CCDC154: variants seen among roughly 807,000 people sequenced by gnomAD.
CCDC154 encodes the protein coiled-coil domain-containing protein 154.
A neutral mutation model predicts 87.5 loss-of-function variants in CCDC154; 91 were observed. The ratio of observed to expected loss-of-function variants is 1.04; its 90% CI spans 0.88 to 1.24. CCDC154 has a LOEUF of 1.24. Among genes scored for constraint, CCDC154 ranks in the 50% most tolerant of loss-of-function variants. The probability of loss-of-function intolerance (pLI) is 0.00; values close to 1 mark genes in which losing one functional copy is unlikely to be tolerated. For missense variants in CCDC154, 903 were observed against 879.2 expected, an observed-to-expected ratio of 1.03 and a Z score of -0.34; for synonymous variants, 418 against 400.4, an observed-to-expected ratio of 1.04 and a Z score of -0.52.
At position 1,438,938 on chromosome 16, in the gene CCDC154, C is replaced by T. The variant is rs777942614; in HGVS notation, c.783G>A (p.Met261Ile). ...TCAGCCGTGAGCTCTCCGAGGCCTT[C>T]ATTCTCTGTGGGGAGACCCCACTGT... ...QKSFLALEKR[M>I]KASESSRLKL... The change falls in exon 8 of 17, where the codon ATG (methionine) becomes ATA (isoleucine). Residue 261 changes from methionine to isoleucine, a missense_variant. Transcript: ENST00000389176. 1.3e-6 allele frequency: 2 copies of T among 1,549,260 alleles called. No homozygotes were observed. The highest frequency in any genetic ancestry group is 2.4e-5 in the South Asian group (2 of 83,976).
Position 1,444,428 on chromosome 16 carries a change from G to A in CCDC154, c.-106C>T, listed in dbSNP as rs940226642. The A allele has an allele frequency of 1.9e-5, 22 of 1,160,670 alleles. No homozygotes were observed. The highest frequency in any genetic ancestry group is 3.0e-5 in the Admixed American group (1 of 33,218). 71.9% of individuals were successfully genotyped at this position (1,160,670 alleles called of 1,614,324 possible). A position where few individuals can be genotyped will look rare whatever the true frequency, so the allele number is the denominator to read the frequency against. The stretch of plus-strand genomic sequence containing the variant: ...CAGGCCAGGGGGGTCAGGAGCCAGA[G>A]GAAGTCCCGTGAGAGCTCTGGGCCT... On this transcript the variant is annotated 5_prime_UTR_variant, in exon 1 of 17. Transcript: ENST00000389176.
In CCDC154 at chr16:1,439,088, G is replaced by GCCTT. The variant is rs917114130; in HGVS notation, c.713_714insAAGG (p.Phe239ArgfsTer65). The stretch of plus-strand genomic sequence containing the variant: ...ACAGCTTGGCCTCCCTCTTCAGGAA[G>GCCTT]CGCAGGCTCACCTCTTCGCCGAGCT... On this transcript the variant is annotated frameshift_variant, in exon 7 of 17. Transcript: ENST00000389176. LOFTEE classifies it high-confidence loss of function. The GCCTT allele has an allele frequency of 6.5e-7, 1 of 1,550,130 alleles. No homozygotes were observed. Among genetic ancestry groups the GCCTT allele is most frequent in the Non-Finnish European group, 8.7e-7 (1 of 1,146,898 alleles).
In CCDC154 at chr16:1,443,597, C is replaced by G; in HGVS notation, c.323G>C (p.Arg108Pro). The G allele has an allele frequency of 6.9e-7, 1 of 1,448,838 alleles. No individual in the cohort carries two copies. The highest frequency in any genetic ancestry group is 2.9e-5 in the East Asian group (1 of 34,798). The allele number at this position is 1,448,838 out of a possible 1,614,324, so 89.7% of individuals were successfully genotyped here. ...RSLLRELLQV[R>P]ARVQLQGSEL... ...TGAGCCCTGCAGCTGCACGCGGGCC[C>G]GCACCTGGAGCAGCTCCCGCAGCAG... The change falls in exon 3 of 17, where the codon CGG (arginine) becomes CCG (proline). Residue 108 changes from arginine to proline, a missense_variant. Physicochemically the swap from Arg to Pro is moderately radical, Grantham distance 103. Coordinates refer to ENST00000389176, the MANE Select transcript of CCDC154 (RefSeq NM_001143980.3).
chr16:1,439,598 G>A lies in CCDC154; in HGVS notation c.676-472C>T, dbSNP rs548174437. Among the ~76,000 whole-genome samples the A allele has an allele frequency of 7.2e-5, 11 of 152,326 alleles. No individual in the cohort carries two copies. The East Asian group carries it at 1.9e-3, about 27-fold the overall frequency. On this transcript the variant is annotated intron_variant, in intron 6 of 16. Coordinates refer to ENST00000389176, the MANE Select transcript of CCDC154 (RefSeq NM_001143980.3). ...GGCCCCATCCCTGCATCTCATACAC[G>A]CAAAGGGTAGGCAGGCGGCACAGGC... is the stretch of plus-strand genomic sequence containing the variant.
In CCDC154 at chr16:1,436,522, C is replaced by T. The variant is rs1567257040; in HGVS notation, c.1411-1G>A. 6 of 1,549,114 alleles carry T rather than the reference C, an allele frequency of 3.9e-6. No individual in the cohort carries two copies. Among genetic ancestry groups the T allele is most frequent in the Middle Eastern group, 1.7e-4 (1 of 5,990 alleles). On this transcript the variant is annotated splice_acceptor_variant, in intron 12 of 16. Coordinates refer to ENST00000389176, the MANE Select transcript of CCDC154 (RefSeq NM_001143980.3). LOFTEE classifies it high-confidence loss of function. Reference sequence around the variant, plus strand: ...GGCACTTGTCGGAGACACTCTCTATCTGAACACAGAGCCGGGAGCGGCGGG... The same window carrying T: ...GGCACTTGTCGGAGACACTCTCTATTTGAACACAGAGCCGGGAGCGGCGGG...
At chr16:1,435,204 C>T (rs1000109953) in intron 14 of CCDC154, 29 bp from the exon 15 acceptor site, 37 of 1,539,696 alleles carry the variant, frequency 2.4e-5, no homozygotes, top group Non-Finnish European at 3.2e-5. Context: ...TGGGCACAGA[C>T]AGGGCCAGTC....
At position 1,435,300 on chromosome 16, in the gene CCDC154, T is replaced by C. The variant is rs910968395; in HGVS notation, c.1606-125A>G. ...GGGCAGGGGCCACCTGCTGAAATGC[T>C]GGTCCTCGTCCCCACTGCAGGGCCC... On this transcript the variant is annotated intron_variant, in intron 14 of 16. Coordinates refer to ENST00000389176, the MANE Select transcript of CCDC154 (RefSeq NM_001143980.3). 3.9e-5 allele frequency: 32 copies of C among 817,116 alleles called. No individual in the cohort carries two copies. In the African/African-American group the frequency reaches 5.4e-4, roughly 14 times the overall value. 50.6% of individuals were successfully genotyped at this position (817,116 alleles called of 1,614,324 possible). A position where few individuals can be genotyped will look rare whatever the true frequency, so the allele number is the denominator to read the frequency against.
chr16:1,438,399 G>A, intron 9 of CCDC154: 1 of 737,106 alleles, frequency 1.4e-6, no homozygotes, highest in Admixed American at 3.0e-5. Context: ...CCTCCCCATG[G>A]CCACAGCTGA....
Position 1,434,820 on chromosome 16 carries a change from A to T in CCDC154, c.1725T>A (p.Ser575Arg). 3 of 1,529,892 alleles carry T rather than the reference A, an allele frequency of 2.0e-6. No homozygotes were observed. Among genetic ancestry groups the T allele is most frequent in the African/African-American group, 1.4e-5 (1 of 72,804 alleles). The allele number at this position is 1,529,892 out of a possible 1,614,324, so 94.8% of individuals were successfully genotyped here. Residue 575 changes from serine (S) to arginine (R), a missense_variant, in exon 16 of 17, where the codon AGT becomes AGA. Physicochemically the swap from Ser to Arg is moderately radical, Grantham distance 110 (BLOSUM62 -1). Transcript: ENST00000389176. ...CCTCCTCACTCCACAGCCGGAGCAC[A>T]CTCTCCCACAGGGTGGCCATCTCCT... Reference protein sequence around the residue: ...RTQEMATLWESVLRLWSEEGP... With the variant: ...RTQEMATLWERVLRLWSEEGP...
intron 6 of CCDC154, among the ~76,000 whole-genome samples, chr16:1,442,011 G>C (rs1254407383): frequency 1.3e-5 from 2 of 152,086 alleles, no homozygotes; most frequent in Non-Finnish European, 2.9e-5. Context: ...CCTCCTGCTG[G>C]ATTCAAGCAA....
intron 13 of CCDC154, 128 bp from the exon 14 acceptor site, chr16:1,436,214 C>A: frequency 1.1e-6 from 1 of 883,750 alleles, no homozygotes; most frequent in Non-Finnish European, 1.7e-6. Context: ...CCCTGTCACC[C>A]CTCCAGTGGG....
intron 4 of CCDC154, 123 bp from the exon 5 acceptor site, chr16:1,443,098 CCCA>C: frequency 7.4e-7 from 1 of 1,358,656 alleles, no homozygotes; most frequent in Non-Finnish European, 1.0e-6. Context: ...CTGAAGGCCG[CCCA>C]GGCACGTACA....
At chr16:1,437,076 C>T (rs903778961) in intron 11 of CCDC154, 16 of 500,048 alleles carry the variant, frequency 3.2e-5, no homozygotes, top group African/African-American at 9.7e-5. Flanking sequence ...GGGCAGGCCC[C>T]GGTGGGACCC....
In CCDC154 at chr16:1,442,930, C is replaced by T. The variant is rs1394230673; in HGVS notation, c.501G>A (p.Gln167=). The T allele has an allele frequency of 1.9e-6, 3 of 1,549,950 alleles. No homozygotes were observed. The highest frequency in any genetic ancestry group is 2.7e-5 in the African/African-American group (2 of 73,066). Residue 167 remains glutamine, a synonymous_variant, in exon 5 of 17, where the codon CAG becomes CAA. Coordinates refer to ENST00000389176, the MANE Select transcript of CCDC154 (RefSeq NM_001143980.3). ...REALTRLRRR[Q]VQQEAERRGA... ...CCCTTCTCTCCGCCTCCTGTTGCAC[C>T]TGCCTCCTCCTGAGCCGGGTCAAGG...
rs550005293 is a variant in CCDC154 at position 1,442,951 on chromosome 16, C to A, written c.480G>T (p.Leu160Phe). Residue 160 changes from leucine (L) to phenylalanine (F), a missense_variant, in exon 5 of 17, where the codon TTG (leucine) becomes TTT (phenylalanine). Physicochemically the swap from Leu to Phe is conservative, Grantham distance 22. Coordinates refer to ENST00000389176, the MANE Select transcript of CCDC154 (RefSeq NM_001143980.3). ...DKRLVEVREA[L>F]TRLRRRQVQQ... is the part of the protein sequence containing the mutation. ...GCACCTGCCTCCTCCTGAGCCGGGT[C>A]AAGGCTTCCCGGACCTCCACCAGCC... is the stretch of plus-strand genomic sequence containing the variant. 4.5e-6 allele frequency: 7 copies of A among 1,550,036 alleles called. No individual in the cohort carries two copies. The Admixed American group carries it at 1.4e-4, about 30-fold the overall frequency.
intron 6 of CCDC154, among the ~76,000 whole-genome samples, chr16:1,440,500 G>GAAGAGAAGAGAAGAGAAGAGAA (rs2038541873): frequency 2.7e-5 from 4 of 147,308 alleles, no homozygotes; most frequent in Non-Finnish European, 6.0e-5. Context: ...ACAGAAAAGA[G>GAAGAGAAGAGAAGAGAAGAGAA]AAGAGAAGAG....
At chr16:1,440,369 G>C (rs1490853054) in intron 6 of CCDC154, among the ~76,000 whole-genome samples, 1 of 151,438 alleles carries the variant, frequency 6.6e-6, no homozygotes, top group Non-Finnish European at 1.5e-5. Context: ...AGAATGGTGT[G>C]AACCCGGGAG....
rs780637096 is a variant in CCDC154 at position 1,443,944 on chromosome 16, G to C, written c.76C>G (p.Leu26Val). The change falls in exon 2 of 17, where the codon CTG (leucine) becomes GTG (valine). Residue 26 changes from leucine (L) to valine (V), a missense_variant. Leu to Val is a conservative substitution (Grantham distance 32). Transcript: ENST00000389176. ...AGGCCTCCTGCCAGGAGGAGCCCCAGGTCTTCCAGGGTGACGGCTCTCAGC... is the reference window on the plus strand; with the variant it reads ...AGGCCTCCTGCCAGGAGGAGCCCCACGTCTTCCAGGGTGACGGCTCTCAGC... Reference protein sequence around the residue: ...SQLRAVTLEDLGLLLAGGLAS... With the variant: ...SQLRAVTLEDVGLLLAGGLAS... 7.7e-7 allele frequency: 1 copy of C among 1,303,766 alleles called. No homozygotes were observed. The allele number at this position is 1,303,766 out of a possible 1,614,324, so 80.8% of individuals were successfully genotyped here. A position where few individuals can be genotyped will look rare whatever the true frequency, so the allele number is the denominator to read the frequency against.
chr16:1,435,676 C>T (rs1289968431), intron 14 of CCDC154, among the ~76,000 whole-genome samples: 1 of 152,208 alleles, frequency 6.6e-6, no homozygotes, highest in Non-Finnish European at 1.5e-5. Context: ...CAGGCATGCG[C>T]CACCATGCCT....
Sources: gnomAD v4.1 joint callset for allele counts (sites outside exome capture counted in the v4.1 genomes callset) on GRCh38, gnomAD v4.1.1 for gene constraint, MANE v1.5 for transcripts, NCBI Gene and HGNC (gene_info 2026-07-23, HGNC 2026-07-21) for gene names.